The following HTR2C variants were observed in gnomAD, a reference collection of about 807,000 sequenced individuals.
HTR2C encodes 5-hydroxytryptamine (serotonin) receptor 2C, G protein-coupled.
HTR2C carries 5 observed loss-of-function variants against 21.0 expected under a neutral mutation model. The ratio of observed to expected loss-of-function variants is 0.24; its 90% CI spans 0.12 to 0.50. The LOEUF (loss-of-function observed/expected upper bound fraction) is 0.50, where lower values mean the gene tolerates loss of function less well. HTR2C is among the 20% of genes least tolerant of loss of function. The pLI is 0.98. For synonymous variants in HTR2C, 150 were observed against 145.3 expected, an observed-to-expected ratio of 1.03 and a Z score of -0.23; for missense variants, 271 against 371.2, an observed-to-expected ratio of 0.73 and a Z score of 2.22.
chrX:114,624,832 G>A (rs1462515085), intron 2 of HTR2C, among the ~76,000 whole-genome samples: 3 of 111,435 alleles, frequency 2.7e-5, no homozygotes, highest in African/African-American at 9.8e-5. Context: ...GCTTATAATT[G>A]AAAAGCTAGC....
At chrX:114,633,947 T>TATAG (rs201763901) in intron 2 of HTR2C, among the ~76,000 whole-genome samples, 32 of 92,180 alleles carry the variant, frequency 3.5e-4, no homozygotes, top group African/African-American at 1.1e-3. Context: ...TATATATATA[T>TATAG]AGAGAGAGAG....
intron 5 of HTR2C, among the ~76,000 whole-genome samples, chrX:114,904,176 G>C (rs1760203002): frequency 8.9e-6 from 1 of 111,799 alleles, no homozygotes; most frequent in East Asian, 2.8e-4. Context: ...CTCTGTTTCA[G>C]AAAGGACCTC....
intron 2 of HTR2C, among the ~76,000 whole-genome samples, chrX:114,725,020 C>T (rs1556421571): frequency 9.1e-6 from 1 of 110,269 alleles, no homozygotes; most frequent in Non-Finnish European, 1.9e-5. Context: ...CGAGGAGTAT[C>T]TTTGTGGCGT....
intron 4 of HTR2C, among the ~76,000 whole-genome samples, chrX:114,784,459 A>G (rs2147405095): frequency 9.0e-6 from 1 of 110,525 alleles, no homozygotes; most frequent in Non-Finnish European, 1.9e-5. Flanking sequence ...TGGAGGCCAA[A>G]AGTCCAAAAT....
chrX:114,855,746 CTTTTTTTTTTTTTTTTTTTTTTTTT>C (rs782183285), intron 5 of HTR2C, among the ~76,000 whole-genome samples: 68 of 17,916 alleles, frequency 3.8e-3, no homozygotes, highest in Non-Finnish European at 5.6e-3. Context: ...AAGCAACCAT[CTTTTTTTTTTTTTTTTTTTTTTTTT>C]TTTTTTTTTT....
intron 4 of HTR2C, among the ~76,000 whole-genome samples, chrX:114,802,570 C>T (rs1335328527): frequency 9.0e-6 from 1 of 110,972 alleles, no homozygotes; most frequent in African/African-American, 3.3e-5. Flanking sequence ...CCCAACCAAA[C>T]ACAAGCTGTT....
intron 2 of HTR2C, among the ~76,000 whole-genome samples, chrX:114,680,657 A>G (rs1931715346): frequency 9.0e-6 from 1 of 111,550 alleles, no homozygotes; most frequent in African/African-American, 3.3e-5. Context: ...CTTCTAGTAT[A>G]AGGAAGATAT....
At chrX:114,703,259 T>A (rs1932620157) in intron 2 of HTR2C, among the ~76,000 whole-genome samples, 1 of 106,977 alleles carries the variant, frequency 9.3e-6, no homozygotes. Context: ...GAATATACAT[T>A]TTTTTCAGCA....
intron 2 of HTR2C, among the ~76,000 whole-genome samples, chrX:114,653,728 C>A (rs1930674395): frequency 9.0e-6 from 1 of 110,530 alleles, no homozygotes; most frequent in Non-Finnish European, 1.9e-5. Context: ...CTATATCTAG[C>A]TACAAACACT....
intron 2 of HTR2C, among the ~76,000 whole-genome samples, chrX:114,651,979 T>C (rs1276012751): frequency 9.0e-6 from 1 of 111,635 alleles, no homozygotes; most frequent in African/African-American, 3.2e-5. Flanking sequence ...CAGATGCTAT[T>C]TACAGATGAT....
chrX:114,628,405 A>ATTTTT (rs35975864), intron 2 of HTR2C, among the ~76,000 whole-genome samples: 14 of 43,882 alleles, frequency 3.2e-4, no homozygotes, highest in Admixed American at 1.4e-3. Flanking sequence ...TGCCAGGCTA[A>ATTTTT]TTTTTTTTTT....
chrX:114,791,124 C>T (rs896255000), intron 4 of HTR2C, among the ~76,000 whole-genome samples: 3 of 112,667 alleles, frequency 2.7e-5, no homozygotes, highest in African/African-American at 9.6e-5. Flanking sequence ...CAATTAATAG[C>T]GCCATGAGCG....
intron 2 of HTR2C, among the ~76,000 whole-genome samples, chrX:114,723,276 CTTCTAGATT>C (rs1556421107): frequency 9.0e-6 from 1 of 111,509 alleles, no homozygotes; most frequent in Non-Finnish European, 1.9e-5. Context: ...TTATCCATTT[CTTCTAGATT>C]TTCTAGTTTA....
At chrX:114,746,684 A>C (rs1163195398) in intron 4 of HTR2C, among the ~76,000 whole-genome samples, 1 of 109,685 alleles carries the variant, frequency 9.1e-6, no homozygotes, top group Admixed American at 9.7e-5. Context: ...GGAAACCTCA[A>C]CTCTAAAAAA....
rs2071395475 is a variant in HTR2C at position 114,908,929 on chromosome X, A to C, written c.*1514A>C. ...ACAACTGTGGATAAATTTTGGAAGA[A>C]TTCATGATGCTAGTTCTTACGCTTG... is the stretch of plus-strand genomic sequence containing the variant. On this transcript the variant is annotated 3_prime_UTR_variant, in exon 6 of 6. Transcript: ENST00000276198. The C allele has an allele frequency of 8.9e-6, 1 of 112,714 alleles. No homozygotes were observed. The highest frequency in any genetic ancestry group is 9.5e-5 in the Admixed American group (1 of 10,577). 9.3% of individuals were successfully genotyped at this position (112,714 alleles called of 1,213,427 possible).
At chrX:114,699,659 C>T (rs933344365) in intron 2 of HTR2C, among the ~76,000 whole-genome samples, 1 of 112,013 alleles carries the variant, frequency 8.9e-6, no homozygotes, top group African/African-American at 3.2e-5. Flanking sequence ...AGCTTTTCCT[C>T]AGAGAGTGCT....
intron 2 of HTR2C, among the ~76,000 whole-genome samples, chrX:114,655,729 A>T (rs1432825000): frequency 1.8e-5 from 2 of 110,766 alleles, no homozygotes; most frequent in African/African-American, 3.3e-5. Flanking sequence ...TCTACCTCTT[A>T]AATTCCATTG....
chrX:114,698,969 GTCAC>G (rs1344633910), intron 2 of HTR2C, among the ~76,000 whole-genome samples: 3 of 111,578 alleles, frequency 2.7e-5, no homozygotes, highest in Non-Finnish European at 5.6e-5. Context: ...TATTGTGATA[GTCAC>G]TCGACGGCAG....
intron 1 of HTR2C, among the ~76,000 whole-genome samples, chrX:114,612,773 C>G (rs929449038): frequency 1.8e-5 from 2 of 110,898 alleles, no homozygotes; most frequent in Non-Finnish European, 3.8e-5. Flanking sequence ...GGAATGGGGT[C>G]CGGATCCAGA....
Sources: gnomAD v4.1 joint callset for allele counts (sites outside exome capture counted in the v4.1 genomes callset) on GRCh38, gnomAD v4.1.1 for gene constraint, MANE v1.5 for transcripts, NCBI Gene and HGNC (gene_info 2026-07-23, HGNC 2026-07-21) for gene names.